Variants in PAIP1 observed in about 807,000 individuals in gnomAD.
PAIP1 encodes the protein polyadenylate-binding protein-interacting protein 1.
In PAIP1, 16 loss-of-function variants were observed where a neutral mutation model predicts 61.3. The observed-to-expected ratio is 0.26, with a 90% CI of 0.18 to 0.40. PAIP1 has a LOEUF of 0.40. Ranked by LOEUF, PAIP1 falls within the 10% of genes least tolerant of loss-of-function variation. The probability of loss-of-function intolerance (pLI) is 1.00; values close to 1 mark genes in which losing one functional copy is unlikely to be tolerated. For missense variants in PAIP1, 416 were observed against 600.9 expected, an observed-to-expected ratio of 0.69 and a Z score of 3.22; for synonymous variants, 187 against 226.2, an observed-to-expected ratio of 0.83 and a Z score of 1.56.
chr5:43,537,550 A>T lies in PAIP1; in HGVS notation c.847-606T>A, dbSNP rs145969827. ...CATAGTAAGTTAGGCTCTGGACTGG[A>T]CATAGACCTTTTAGATACAATGACT... On this transcript the variant is annotated intron_variant, in intron 5 of 10. Transcript: ENST00000306846. 2.5e-3 allele frequency among the ~76,000 whole-genome samples: 381 copies of T among 152,330 alleles called. 8 individuals are homozygous for T. Among genetic ancestry groups the T allele is most frequent in the East Asian group, 0.018 (93 of 5,176 alleles).
At chr5:43,534,388 G>A (rs527606621) in intron 8 of PAIP1, among the ~76,000 whole-genome samples, 3 of 152,124 alleles carry the variant, frequency 2.0e-5, no homozygotes, top group East Asian at 1.9e-4. Context: ...TAGTAGAGAC[G>A]GGGTTTCTCC....
At chr5:43,533,861 A>G (rs114943096) in intron 8 of PAIP1, 69 bp from the exon 9 acceptor site, 42,728 of 930,852 alleles carry the variant, frequency 0.046, 1,256 homozygotes, top group Middle Eastern at 0.071. Context: ...ACAATAATGA[A>G]GCATGGCTGA....
chr5:43,529,304 T>C (rs1026409825), intron 10 of PAIP1, among the ~76,000 whole-genome samples: 2 of 152,218 alleles, frequency 1.3e-5, no homozygotes, highest in African/African-American at 2.4e-5. Flanking sequence ...TAATGGTTAT[T>C]TTCCTCAACT....
At chr5:43,532,734 T>C (rs529433567) in intron 9 of PAIP1, among the ~76,000 whole-genome samples, 1 of 152,268 alleles carries the variant, frequency 6.6e-6, no homozygotes, top group South Asian at 2.1e-4. Flanking sequence ...ATCACTTTGT[T>C]CTAGACTACA....
At chr5:43,549,206 C>CT (rs1747763558) in intron 2 of PAIP1, among the ~76,000 whole-genome samples, 3 of 152,322 alleles carry the variant, frequency 2.0e-5, no homozygotes, top group Admixed American at 1.3e-4. Context: ...TCCCAAAGTG[C>CT]TGGGATTACA....
chr5:43,528,598 G>C (rs1746798590), intron 10 of PAIP1, among the ~76,000 whole-genome samples: 1 of 151,942 alleles, frequency 6.6e-6, no homozygotes, highest in Non-Finnish European at 1.5e-5. Flanking sequence ...TTAAATCCCT[G>C]TATTTTTTTT....
chr5:43,531,408 G>GA (rs59840328), intron 9 of PAIP1, among the ~76,000 whole-genome samples: 2,344 of 126,558 alleles, frequency 0.019, 68 homozygotes, highest in African/African-American at 0.057. Context: ...AATGGTTTAA[G>GA]AAAAAAAAAA....
intron 10 of PAIP1, among the ~76,000 whole-genome samples, chr5:43,527,821 A>G (rs1007617805): frequency 6.6e-6 from 1 of 152,212 alleles, no homozygotes; most frequent in Non-Finnish European, 1.5e-5. Context: ...CAATTAGAAT[A>G]TAACTATTAA....
intron 3 of PAIP1, among the ~76,000 whole-genome samples, chr5:43,543,322 A>G (rs1016385601): frequency 1.1e-4 from 16 of 151,664 alleles, no homozygotes; most frequent in African/African-American, 3.4e-4. Flanking sequence ...AAAAAAAAAA[A>G]AAAAAGAAAA....
At chr5:43,556,072 ACCATCTGAAAAG>A in intron 1 of PAIP1, 73 bp from the exon 2 acceptor site, 1 of 1,520,210 alleles carries the variant, frequency 6.6e-7, no homozygotes. Flanking sequence ...ATACTGAAAA[ACCATCTGAAAAG>A]CGTCTGTTTT....
chr5:43,543,098 A>G lies in PAIP1; in HGVS notation c.640T>C (p.Phe214Leu), dbSNP rs1224989549. 6.3e-7 allele frequency: 1 copy of G among 1,596,990 alleles called. No individual in the cohort carries two copies. ...CACAGGCGAGCTCCCATATAAGAGA[A>G]ATTTGGGATAGATGTGGCCTTTTAA... ...IYQQATSIPNFSYMGARLCNY... is the reference protein window; with the variant it reads ...IYQQATSIPNLSYMGARLCNY... Residue 214 changes from phenylalanine (F) to leucine (L), a missense_variant, in exon 4 of 11, where the codon TTC becomes CTC. Coordinates refer to ENST00000306846, the MANE Select transcript of PAIP1 (RefSeq NM_006451.5).
chr5:43,556,449 C>A, intron 1 of PAIP1, 133 bp downstream of exon 1: 1 of 1,202,984 alleles, frequency 8.3e-7, no homozygotes, highest in Non-Finnish European at 1.0e-6. Flanking sequence ...CCCGGTCACG[C>A]GGCCCTCTCG....
At chr5:43,542,160 A>G (rs1430895906) in intron 4 of PAIP1, among the ~76,000 whole-genome samples, 1 of 151,108 alleles carries the variant, frequency 6.6e-6, no homozygotes, top group Non-Finnish European at 1.5e-5. Context: ...TGGGTGACAG[A>G]GCAAGACTCG....
intron 2 of PAIP1, among the ~76,000 whole-genome samples, chr5:43,549,067 A>G (rs192127085): frequency 2.2e-3 from 339 of 152,108 alleles, no homozygotes; most frequent in African/African-American, 7.8e-3. Flanking sequence ...CAGCCTCTCA[A>G]GTAGCTGGGA....
At chr5:43,552,650 C>A (rs1747908174) in intron 2 of PAIP1, among the ~76,000 whole-genome samples, 3 of 151,976 alleles carry the variant, frequency 2.0e-5, no homozygotes, top group Admixed American at 2.0e-4. Flanking sequence ...AGGTTGAAAT[C>A]TGGAAGAGAA....
rs781390965 is a variant in PAIP1 at position 43,555,827 on chromosome 5, T to C, written c.435+3A>G. 2 of 1,606,346 alleles carry C rather than the reference T, an allele frequency of 1.2e-6. No individual in the cohort carries two copies. The highest frequency in any genetic ancestry group is 1.7e-6 in the Non-Finnish European group (2 of 1,176,500). On this transcript the variant is annotated splice_donor_region_variant and intron_variant, in intron 2 of 10. Coordinates refer to ENST00000306846, the MANE Select transcript of PAIP1 (RefSeq NM_006451.5). Reference sequence around the variant, plus strand: ...AGAGTTGTAGGAAAAAGGGTGTACTTACTGTGTAACTGGAAGAATAACCTG... The same window carrying C: ...AGAGTTGTAGGAAAAAGGGTGTACTCACTGTGTAACTGGAAGAATAACCTG...
intron 2 of PAIP1, among the ~76,000 whole-genome samples, chr5:43,548,715 G>A (rs1462235096): frequency 6.6e-6 from 1 of 152,138 alleles, no homozygotes; most frequent in African/African-American, 2.4e-5. Flanking sequence ...ACCACCCGAA[G>A]CGCTTTAAAG....
chr5:43,532,137 C>T (rs779069547), intron 9 of PAIP1, among the ~76,000 whole-genome samples: 6 of 152,074 alleles, frequency 3.9e-5, no homozygotes, highest in Non-Finnish European at 7.4e-5. Flanking sequence ...AGAAACTGAA[C>T]AACCAAACTG....
intron 2 of PAIP1, among the ~76,000 whole-genome samples, chr5:43,553,744 T>C (rs1267729909): frequency 6.6e-6 from 1 of 152,162 alleles, no homozygotes; most frequent in Non-Finnish European, 1.5e-5. Flanking sequence ...GTAGTAAGCC[T>C]GAATGCCTGT....
Sources: gnomAD v4.1 joint callset for allele counts (sites outside exome capture counted in the v4.1 genomes callset) on GRCh38, gnomAD v4.1.1 for gene constraint, MANE v1.5 for transcripts, NCBI Gene and HGNC (gene_info 2026-07-23, HGNC 2026-07-21) for gene names.